The following SNTB1 variants were observed in gnomAD, a reference collection of about 807,000 sequenced individuals.
SNTB1 encodes syntrophin beta 1.
In SNTB1, 36 loss-of-function variants were observed where a neutral mutation model predicts 48.9. The observed-to-expected ratio is 0.74, with a 90% CI of 0.56 to 0.97. The LOEUF (loss-of-function observed/expected upper bound fraction) is 0.97, where lower values mean the gene tolerates loss of function less well. Ranked by LOEUF, SNTB1 falls within the 50% of genes least tolerant of loss-of-function variation. The pLI is 0.00. For synonymous variants in SNTB1, 299 were observed against 294.6 expected (o/e 1.01, Z -0.15); for missense variants, 786 against 703.4 (o/e 1.12, Z -1.33).
At chr8:120,614,999 A>AAAAAAAAAG (rs1274592643) in intron 3 of SNTB1, among the ~76,000 whole-genome samples, 1 of 150,846 alleles carries the variant, frequency 6.6e-6, no homozygotes. Flanking sequence ...AAAAAAAAAA[A>AAAAAAAAAG]AATTAGCCTG....
chr8:120,546,598 T>C (rs1815384601), intron 5 of SNTB1, among the ~76,000 whole-genome samples: 1 of 152,132 alleles, frequency 6.6e-6, no homozygotes, highest in South Asian at 2.1e-4. Context: ...GCCTCCCAAG[T>C]AGCTGGGATT....
intron 3 of SNTB1, among the ~76,000 whole-genome samples, chr8:120,614,292 G>C (rs899332824): frequency 2.0e-5 from 3 of 152,224 alleles, no homozygotes; most frequent in Non-Finnish European, 2.9e-5. Flanking sequence ...GCCTGGTGGA[G>C]TGTATAATCA....
At chr8:120,588,894 T>C (rs1184415188) in intron 3 of SNTB1, among the ~76,000 whole-genome samples, 1 of 152,206 alleles carries the variant, frequency 6.6e-6, no homozygotes, top group Non-Finnish European at 1.5e-5. Context: ...TCTAGATCTA[T>C]AGGGAGGGGC....
intron 2 of SNTB1, among the ~76,000 whole-genome samples, chr8:120,645,468 A>G (rs1340189496): frequency 6.6e-6 from 1 of 151,634 alleles, no homozygotes; most frequent in East Asian, 1.9e-4. Flanking sequence ...AAGATCAGAT[A>G]GTTGTAGACA....
At chr8:120,731,845 T>A (rs2129978731) in intron 1 of SNTB1, among the ~76,000 whole-genome samples, 1 of 152,348 alleles carries the variant, frequency 6.6e-6, no homozygotes, top group Non-Finnish European at 1.5e-5. Flanking sequence ...TATGACTTGT[T>A]GAATTTTTAA....
chr8:120,565,890 C>G (rs922437794), intron 4 of SNTB1, among the ~76,000 whole-genome samples: 1 of 152,124 alleles, frequency 6.6e-6, no homozygotes, highest in Non-Finnish European at 1.5e-5. Context: ...GCCCCACTCT[C>G]ATGGATAGGA....
chr8:120,731,434 G>A (rs1000286587), intron 1 of SNTB1, among the ~76,000 whole-genome samples: 3 of 152,110 alleles, frequency 2.0e-5, no homozygotes, highest in Non-Finnish European at 4.4e-5. Context: ...AGTCAATGGC[G>A]GAGCATTAGA....
At chr8:120,548,734 G>A in intron 5 of SNTB1, 28 bp downstream of exon 5, 2 of 1,607,472 alleles carry the variant, frequency 1.2e-6, no homozygotes, top group African/African-American at 1.3e-5. Context: ...GTAACAATGT[G>A]TCCTTGGTAG....
intron 1 of SNTB1, among the ~76,000 whole-genome samples, chr8:120,731,532 G>T (rs764945364): frequency 3.9e-5 from 6 of 152,220 alleles, no homozygotes; most frequent in Admixed American, 3.3e-4. Flanking sequence ...CTTCCAAGGC[G>T]TCTAGTCCTG....
At chr8:120,728,108 C>G (rs1818791245) in intron 1 of SNTB1, among the ~76,000 whole-genome samples, 1 of 152,166 alleles carries the variant, frequency 6.6e-6, no homozygotes, top group Non-Finnish European at 1.5e-5. Context: ...TCACTGCAAC[C>G]TCCACCTCCC....
chr8:120,657,006 C>T (rs77272928), intron 2 of SNTB1, among the ~76,000 whole-genome samples: 247 of 152,130 alleles, frequency 1.6e-3, no homozygotes, highest in South Asian at 5.0e-3. Context: ...CTATTTACTA[C>T]GATAAAAAAC....
At chr8:120,620,730 T>C (rs550678056) in intron 3 of SNTB1, among the ~76,000 whole-genome samples, 5 of 150,668 alleles carry the variant, frequency 3.3e-5, no homozygotes, top group Non-Finnish European at 7.4e-5. Context: ...TCTTATGGTG[T>C]GTTCAGAGAT....
intron 1 of SNTB1, among the ~76,000 whole-genome samples, chr8:120,695,410 T>C (rs987223661): frequency 2.2e-4 from 34 of 152,316 alleles, no homozygotes; most frequent in African/African-American, 8.2e-4. Flanking sequence ...GGTTGCTGTG[T>C]GTTGGGTGAG....
intron 5 of SNTB1, among the ~76,000 whole-genome samples, chr8:120,547,405 G>C (rs375304726): frequency 2.4e-4 from 37 of 151,928 alleles, no homozygotes; most frequent in African/African-American, 8.5e-4. Flanking sequence ...AGACCAGCCT[G>C]GCCAACATGG....
intron 4 of SNTB1, among the ~76,000 whole-genome samples, chr8:120,570,078 G>A (rs1366641421): frequency 9.2e-5 from 14 of 152,124 alleles, no homozygotes. Flanking sequence ...CAAAGGCAGA[G>A]CCTTTCTCAG....
chr8:120,762,681 A>G (rs1045694017), intron 1 of SNTB1, among the ~76,000 whole-genome samples: 9 of 152,174 alleles, frequency 5.9e-5, no homozygotes, highest in Admixed American at 1.3e-4. Context: ...AATTTTATTA[A>G]TATCTTGCCT....
At chr8:120,581,069 A>T (rs1351485274) in intron 3 of SNTB1, among the ~76,000 whole-genome samples, 2 of 149,352 alleles carry the variant, frequency 1.3e-5, no homozygotes, top group African/African-American at 5.0e-5. Flanking sequence ...AGCCTGGGCA[A>T]CAGAGTGAGA....
chr8:120,701,123 C>T (rs1587099640), intron 1 of SNTB1, among the ~76,000 whole-genome samples: 2 of 152,122 alleles, frequency 1.3e-5, no homozygotes, highest in South Asian at 2.1e-4. Flanking sequence ...AAGATTTACC[C>T]TCAATGGCAT....
intron 1 of SNTB1, among the ~76,000 whole-genome samples, chr8:120,696,490 T>C (rs187702791): frequency 1.3e-5 from 2 of 152,346 alleles, no homozygotes; most frequent in East Asian, 1.9e-4. Context: ...GCTTTACATA[T>C]CTACCCACAT....
Sources: allele counts gnomAD v4.1 joint callset (sites outside exome capture counted in the v4.1 genomes callset), GRCh38; gene constraint gnomAD v4.1.1; transcripts MANE v1.5; gene names NCBI Gene and HGNC (gene_info 2026-07-23, HGNC 2026-07-21).